Variants in SKIDA1 observed in about 807,000 individuals in gnomAD.
The protein encoded by SKIDA1 is SKI/DACH domain-containing protein 1.
Under a neutral mutation model 51.4 loss-of-function variants are expected in SKIDA1, and 18 were observed. The observed-to-expected ratio is 0.35, with a 90% confidence interval of 0.24 to 0.52. The LOEUF (loss-of-function observed/expected upper bound fraction) is 0.52. Ranked by LOEUF, SKIDA1 falls within the 20% of genes least tolerant of loss-of-function variation. SKIDA1 has a pLI of 0.95. For synonymous variants in SKIDA1, 579 were observed against 500.5 expected (o/e 1.16, Z -2.09); for missense variants, 1,104 against 1,180.6 (o/e 0.94, Z 0.95).
Position 21,516,912 on chromosome 10 carries a change from G to GGGTGTTTGCTGCACAGCAGGCT in SKIDA1, c.910_911insAGCCTGCTGTGCAGCAAACACC (p.Ala304GlufsTer142). On this transcript the variant is annotated frameshift_variant, in exon 4 of 4. Coordinates refer to ENST00000449193, the MANE Select transcript of SKIDA1 (RefSeq NM_207371.4). LOFTEE classifies it high-confidence loss of function. This position sits in a 1 kb window ranked among gnomAD's most constrained non-coding sequence, Gnocchi z 5.7. ...CGCTGCCGCCGCCGCCGCCGCCGCCGCCGCCTTGGCTTTGTAGGACCTGGG... is the reference window on the plus strand; with the variant it reads ...CGCTGCCGCCGCCGCCGCCGCCGCCGGGTGTTTGCTGCACAGCAGGCTCCGCCTTGGCTTTGTAGGACCTGGG... 1.8e-6 allele frequency: 2 copies of GGGTGTTTGCTGCACAGCAGGCT among 1,134,918 alleles called. No homozygotes were observed. Among genetic ancestry groups the GGGTGTTTGCTGCACAGCAGGCT allele is most frequent in the Non-Finnish European group, 1.1e-6 (1 of 931,794 alleles). 70.3% of individuals were successfully genotyped at this position (1,134,918 alleles called of 1,614,324 possible).
rs201562351 is a variant in SKIDA1, at chr10:21,518,868, T to C, written c.-1046A>G. 4,986 of 164,370 alleles carry C rather than the reference T, an allele frequency of 0.03. 272 individuals are homozygous for C. The highest frequency in any genetic ancestry group is 0.12 in the African/African-American group (4,704 of 40,514). 10.2% of individuals were successfully genotyped at this position (164,370 alleles called of 1,614,324 possible). On this transcript the variant is annotated 5_prime_UTR_variant, in exon 4 of 4. Coordinates refer to ENST00000449193, the MANE Select transcript of SKIDA1 (RefSeq NM_207371.4). ...GATTTTCCTTTTTTTTTTTTTTTTT[T>C]CCTGAAATGCCTTTTTACAACCAGA...
At position 21,514,941 on chromosome 10, in the gene SKIDA1, A is replaced by G. The variant is rs2032153851; in HGVS notation, c.*155T>C. 2.8e-6 allele frequency: 2 copies of G among 706,932 alleles called. No individual in the cohort carries two copies. The highest frequency in any genetic ancestry group is 6.1e-5 in the Admixed American group (1 of 16,398). The allele number at this position is 706,932 out of a possible 1,614,324, so 43.8% of individuals were successfully genotyped here. A position where few individuals can be genotyped will look rare whatever the true frequency, so the allele number is the denominator to read the frequency against. On this transcript the variant is annotated 3_prime_UTR_variant, in exon 4 of 4. Transcript: ENST00000449193. ...CCAGAAAAAAAAAAAAAAACCCGCA[A>G]CGGAAAAAAAGTAATCCGATTTCTG... is the stretch of plus-strand genomic sequence containing the variant.
At position 21,517,473 on chromosome 10, in the gene SKIDA1, G is replaced by C; in HGVS notation, c.350C>G (p.Pro117Arg). Residue 117 changes from proline to arginine, a missense_variant, in exon 4 of 4, where the codon CCG becomes CGG. By Grantham distance (103) the Pro-to-Arg change is moderately radical. This residue lies in a region of SKIDA1 where 938 missense variants were observed against 886.4 expected (regional missense o/e 1.06). Transcript: ENST00000449193. The surrounding 1 kb of genome is among the most constrained non-coding windows in gnomAD (Gnocchi z 6.9). The part of the protein sequence containing the change: ...RVGRALATKA[P>R]PPERAAAASP... The stretch of plus-strand genomic sequence containing the variant: ...GGCGGCAGCGGCGCGCTCTGGCGGC[G>C]GCGCCTTTGTGGCCAGGGCCCGGCC... 1 of 1,528,926 alleles carries C rather than the reference G, an allele frequency of 6.5e-7. No individual in the cohort carries two copies. Among genetic ancestry groups the C allele is most frequent in the Non-Finnish European group, 8.8e-7 (1 of 1,141,150 alleles). 94.7% of individuals were successfully genotyped at this position (1,528,926 alleles called of 1,614,324 possible).
chr10:21,521,240 G>A (rs2032387621), intron 3 of SKIDA1, 149 bp downstream of exon 3: 1 of 152,262 alleles, frequency 6.6e-6, no homozygotes, highest in Non-Finnish European at 1.5e-5. Context: ...CTTTAAGATG[G>A]ATTTGCATGC....
In SKIDA1 at chr10:21,514,959, G is replaced by T; in HGVS notation, c.*137C>A. On this transcript the variant is annotated 3_prime_UTR_variant, in exon 4 of 4. Transcript: ENST00000449193. ...ACCCGCAACGGAAAAAAAGTAATCCGATTTCTGTCTTCAAAATGCGATAAA... is the reference window on the plus strand; with the variant it reads ...ACCCGCAACGGAAAAAAAGTAATCCTATTTCTGTCTTCAAAATGCGATAAA... 1 of 805,064 alleles carries T rather than the reference G, an allele frequency of 1.2e-6. No homozygotes were observed. Among genetic ancestry groups the T allele is most frequent in the Non-Finnish European group, 1.5e-6 (1 of 684,430 alleles). The allele number at this position is 805,064 out of a possible 1,614,324, so 49.9% of individuals were successfully genotyped here. A position where few individuals can be genotyped will look rare whatever the true frequency, so the allele number is the denominator to read the frequency against.
chr10:21,523,004 G>C (rs2032460795), intron 2 of SKIDA1, among the ~76,000 whole-genome samples: 1 of 152,162 alleles, frequency 6.6e-6, no homozygotes, highest in Non-Finnish European at 1.5e-5. Context: ...ATTTTACACA[G>C]GTGAGCAATA....
Position 21,515,277 on chromosome 10 carries a change from T to A in SKIDA1, c.2546A>T (p.Asn849Ile). Reference sequence around the variant, plus strand: ...AATGAGTGATGGTGGACAAGGAAAATTTGCCATGAAATGAAATGGCCTTTT... The same window carrying A: ...AATGAGTGATGGTGGACAAGGAAAAATTGCCATGAAATGAAATGGCCTTTT... ...AVKRPFHFMA[N>I]FPCPPSLIIG... The change falls in exon 4 of 4, where the codon AAT (asparagine) becomes ATT (isoleucine). Residue 849 changes from asparagine to isoleucine, a missense_variant. By Grantham distance (149) the Asn-to-Ile change is moderately radical (BLOSUM62 -3). Transcript: ENST00000449193. The A allele has an allele frequency of 6.2e-7, 1 of 1,614,000 alleles. No individual in the cohort carries two copies. The highest frequency in any genetic ancestry group is 8.5e-7 in the Non-Finnish European group (1 of 1,179,886).
chr10:21,516,521 C>T lies in SKIDA1; in HGVS notation c.1302G>A (p.Ser434=). The T allele has an allele frequency of 1.9e-6, 3 of 1,578,564 alleles. No homozygotes were observed. Among genetic ancestry groups the T allele is most frequent in the Non-Finnish European group, 1.7e-6 (2 of 1,163,194 alleles). ...CCTCCGAGCTGACTTCACTGGAATC[C>T]GAGGCCCCGCTGCCCCCCTCCTCCT... ...EEEEEGGSGA[S]DSSEVSSEEE... is the part of the protein sequence containing the mutation. Residue 434 remains serine (S), a synonymous_variant, in exon 4 of 4, where the codon TCG becomes TCA. Transcript: ENST00000449193. This position sits in a 1 kb window ranked among gnomAD's most constrained non-coding sequence, Gnocchi z 5.7.
chr10:21,520,986 G>T (rs1479459568), intron 3 of SKIDA1, among the ~76,000 whole-genome samples: 1 of 150,876 alleles, frequency 6.6e-6, no homozygotes, highest in Admixed American at 6.6e-5. Flanking sequence ...ACATTCTTTT[G>T]TTCCTTTAAC....
chr10:21,521,491 A>C lies in SKIDA1; in HGVS notation c.-1928-11T>G, dbSNP rs1185728073. ...CCATGTCAGCTGACTCTACAATCAAAGATGAACCCAATTCAGATAATGGAC... is the reference window on the plus strand; with the variant it reads ...CCATGTCAGCTGACTCTACAATCAACGATGAACCCAATTCAGATAATGGAC... On this transcript the variant is annotated splice_polypyrimidine_tract_variant and intron_variant, in intron 2 of 3. Coordinates refer to ENST00000449193, the MANE Select transcript of SKIDA1 (RefSeq NM_207371.4). 1 of 152,682 alleles carries C rather than the reference A, an allele frequency of 6.5e-6. No individual in the cohort carries two copies. Among genetic ancestry groups the C allele is most frequent in the Non-Finnish European group, 1.5e-5 (1 of 68,044 alleles). 9.5% of individuals were successfully genotyped at this position (152,682 alleles called of 1,614,324 possible).
intron 1 of SKIDA1, among the ~76,000 whole-genome samples, chr10:21,525,317 G>A (rs1282015947): frequency 6.6e-6 from 1 of 152,194 alleles, no homozygotes; most frequent in Non-Finnish European, 1.5e-5. Flanking sequence ...AAAGGAGAGG[G>A]ATTCGTATTG....
chr10:21,517,991 G>GAA lies in SKIDA1; in HGVS notation c.-171_-170dup. 3.7e-6 allele frequency: 2 copies of GAA among 534,454 alleles called. No individual in the cohort carries two copies. The highest frequency in any genetic ancestry group is 6.3e-6 in the Non-Finnish European group (2 of 317,012). 33.1% of individuals were successfully genotyped at this position (534,454 alleles called of 1,614,324 possible). A position where few individuals can be genotyped will look rare whatever the true frequency, so the allele number is the denominator to read the frequency against. On this transcript the variant is annotated 5_prime_UTR_variant, in exon 4 of 4. Coordinates refer to ENST00000449193, the MANE Select transcript of SKIDA1 (RefSeq NM_207371.4). This position sits in a 1 kb window ranked among gnomAD's most constrained non-coding sequence, Gnocchi z 6.9. Reference sequence around the variant, plus strand: ...GCGAAGGAAGTGCCAAACTCTAGGCGAAATTATTGGGGGGGGGGAAACCCC... The same window carrying GAA: ...GCGAAGGAAGTGCCAAACTCTAGGCGAAAAATTATTGGGGGGGGGGAAACCCC...
At position 21,517,016 on chromosome 10, in the gene SKIDA1, G is replaced by A; in HGVS notation, c.807C>T (p.Tyr269=). Residue 269 remains tyrosine, a synonymous_variant, in exon 4 of 4, where the codon TAC becomes TAT. Transcript: ENST00000449193. The surrounding 1 kb of genome is among the most constrained non-coding windows in gnomAD (Gnocchi z 6.9). ...CGCCGCCGCGCTTGCGCTTGCAGCG[G>A]TAGCTCAGGCTCCCCGGGCCTCCGG... The part of the protein sequence containing the change: ...AGAGGPGSLS[Y]RCKRKRGGAK... 1 of 1,102,404 alleles carries A rather than the reference G, an allele frequency of 9.1e-7. No individual in the cohort carries two copies. Among genetic ancestry groups the A allele is most frequent in the Non-Finnish European group, 1.1e-6 (1 of 907,710 alleles). 68.3% of individuals were successfully genotyped at this position (1,102,404 alleles called of 1,614,324 possible).
rs1174867500 is a variant in SKIDA1 at position 21,516,800 on chromosome 10, G to A, written c.1023C>T (p.His341=). 1.3e-6 allele frequency: 2 copies of A among 1,541,388 alleles called. No homozygotes were observed. The highest frequency in any genetic ancestry group is 1.4e-5 in the African/African-American group (1 of 72,818). ...GGTGGTGGTGGTGGTGATGGTGGTG[G>A]TGGTGGTGGTGGTGCGGAGGCGGGC... is the stretch of plus-strand genomic sequence containing the variant. ...GFCPPPHHHH[H]HHHHHHHHHH... is the part of the protein sequence containing the mutation. The change falls in exon 4 of 4, where the codon CAC becomes CAT. Residue 341 remains histidine (H), a synonymous_variant. Coordinates refer to ENST00000449193, the MANE Select transcript of SKIDA1 (RefSeq NM_207371.4). The surrounding 1 kb of genome is among the most constrained non-coding windows in gnomAD (Gnocchi z 5.7).
intron 1 of SKIDA1, chr10:21,524,618 A>G (rs1333632203): frequency 2.4e-5 from 3 of 124,548 alleles, no homozygotes; most frequent in Non-Finnish European, 3.2e-5. Context: ...TACAGCTTGC[A>G]GCAACGTGCT....
rs1206765436 is a variant in SKIDA1 at position 21,517,679 on chromosome 10, G to A, written c.144C>T (p.Arg48=). Residue 48 remains arginine, a synonymous_variant, in exon 4 of 4, where the codon CGC becomes CGT. Coordinates refer to ENST00000449193, the MANE Select transcript of SKIDA1 (RefSeq NM_207371.4). The surrounding 1 kb of genome is among the most constrained non-coding windows in gnomAD (Gnocchi z 6.9). The part of the protein sequence containing the change: ...KNIPRTTVHK[R]MDHLKVKKHH... ...GCTTCTTCACTTTCAGATGATCCAT[G>A]CGCTTGTGCACGGTCGTCCTCGGGA... The A allele has an allele frequency of 5.0e-6, 8 of 1,614,006 alleles. No homozygotes were observed. Among genetic ancestry groups the A allele is most frequent in the Admixed American group, 1.7e-5 (1 of 60,028 alleles).
At position 21,517,929 on chromosome 10, in the gene SKIDA1, C is replaced by T. The variant is rs41277378; in HGVS notation, c.-107G>A. On this transcript the variant is annotated 5_prime_UTR_variant, in exon 4 of 4. The change abolishes an upstream ATG in the 5' untranslated region. Coordinates refer to ENST00000449193, the MANE Select transcript of SKIDA1 (RefSeq NM_207371.4). The surrounding 1 kb of genome is among the most constrained non-coding windows in gnomAD (Gnocchi z 6.9). The stretch of plus-strand genomic sequence containing the variant: ...GCCAGATGCTGCGTGTGTCTCAAGG[C>T]ATCCTGCTAATAAAATAACAAAGAC... The T allele has an allele frequency of 4.2e-3, 4,238 of 1,011,552 alleles. 19 individuals carry two copies. Among genetic ancestry groups the T allele is most frequent in the Non-Finnish European group, 5.1e-3 (3,729 of 728,238 alleles). 62.7% of individuals were successfully genotyped at this position (1,011,552 alleles called of 1,614,324 possible). A position where few individuals can be genotyped will look rare whatever the true frequency, so the allele number is the denominator to read the frequency against.
In SKIDA1 at chr10:21,516,864, G is replaced by GC; in HGVS notation, c.958dup (p.Ala320GlyfsTer119). 1 of 1,317,948 alleles carries GC rather than the reference G, an allele frequency of 7.6e-7. No individual in the cohort carries two copies. Among genetic ancestry groups the GC allele is most frequent in the Non-Finnish European group, 9.6e-7 (1 of 1,038,468 alleles). The allele number at this position is 1,317,948 out of a possible 1,614,324, so 81.6% of individuals were successfully genotyped here. On this transcript the variant is annotated frameshift_variant, in exon 4 of 4. Transcript: ENST00000449193. LOFTEE classifies it high-confidence loss of function. This position sits in a 1 kb window ranked among gnomAD's most constrained non-coding sequence, Gnocchi z 5.7. ...CAGATGAAACCTCTCCAGGCAAGTGGCCCCCGCGGCGGCCGCCGCCGCCGC... is the reference window on the plus strand; with the variant it reads ...CAGATGAAACCTCTCCAGGCAAGTGGCCCCCCGCGGCGGCCGCCGCCGCCGC...
At position 21,519,176 on chromosome 10, in the gene SKIDA1, CAAAGA is replaced by C. The variant is rs2131274112; in HGVS notation, c.-1359_-1355del. On this transcript the variant is annotated 5_prime_UTR_variant, in exon 4 of 4. Coordinates refer to ENST00000449193, the MANE Select transcript of SKIDA1 (RefSeq NM_207371.4). The stretch of plus-strand genomic sequence containing the variant: ...GGGAGCAGATTGCTTCCTTCTGCAG[CAAAGA>C]AAAGAAACTGTCAAACGCCCAAGGT... 1 of 167,142 alleles carries C rather than the reference CAAAGA, an allele frequency of 6.0e-6. No individual in the cohort carries two copies. The highest frequency in any genetic ancestry group is 2.4e-5 in the African/African-American group (1 of 41,516). 10.4% of individuals were successfully genotyped at this position (167,142 alleles called of 1,614,324 possible). A position where few individuals can be genotyped will look rare whatever the true frequency, so the allele number is the denominator to read the frequency against.
Sources: gnomAD v4.1 joint callset for allele counts (sites outside exome capture counted in the v4.1 genomes callset) on GRCh38, gnomAD v4.1.1 for gene constraint, gnomAD v4.1.1 regional missense constraint, Gnocchi (gnomAD v3.1) non-coding constraint, MANE v1.5 for transcripts, NCBI Gene and HGNC (gene_info 2026-07-23, HGNC 2026-07-21) for gene names.